JARID2: variants seen among roughly 807,000 people sequenced by gnomAD.
JARID2 encodes the protein protein Jumonji.
JARID2 carries 21 observed loss-of-function variants against 125.6 expected under a neutral mutation model. The observed-to-expected ratio is 0.17, with a 90% confidence interval of 0.12 to 0.24. The LOEUF (loss-of-function observed/expected upper bound fraction) is 0.24. JARID2 is among the 10% of genes least tolerant of loss of function. JARID2 has a pLI of 1.00. For synonymous variants in JARID2, 736 were observed against 661.6 expected, an observed-to-expected ratio of 1.11 and a Z score of -1.73; for missense variants, 1,303 against 1,639.6, an observed-to-expected ratio of 0.79 and a Z score of 3.55.
chr6:15,411,125 T>C (rs1765857656), intron 3 of JARID2, among the ~76,000 whole-genome samples: 1 of 152,212 alleles, frequency 6.6e-6, no homozygotes, highest in Non-Finnish European at 1.5e-5. Context: ...TATGTTTACC[T>C]GGAGGACCAG....
intron 9 of JARID2, chr6:15,505,413 C>T (rs934688026): frequency 5.3e-5 from 8 of 151,258 alleles, no homozygotes; most frequent in Non-Finnish European, 8.8e-5. Context: ...CGGTTTGCCC[C>T]GTGTATACAT....
chr6:15,274,129 C>T (rs1315814617), intron 1 of JARID2, among the ~76,000 whole-genome samples: 3 of 152,072 alleles, frequency 2.0e-5, no homozygotes, highest in Non-Finnish European at 2.9e-5. Context: ...GGGGTTTCAC[C>T]GTTTTGGCCA....
In JARID2 at chr6:15,291,732, G is replaced by GA. The variant is rs370882484; in HGVS notation, c.45+45151dup. ...CTCTAGAAGTAACACAGAAACCACA[G>GA]AAATGGAGAAAAGAAGTTAATCCCT... On this transcript the variant is annotated intron_variant, in intron 1 of 17. Transcript: ENST00000341776. 2.3e-3 allele frequency among the ~76,000 whole-genome samples: 353 copies of GA among 152,300 alleles called. 1 individual carries two copies. The highest frequency in any genetic ancestry group is 7.7e-3 in the African/African-American group (319 of 41,556).
At chr6:15,491,943 C>A (rs1770168930) in intron 6 of JARID2, among the ~76,000 whole-genome samples, 1 of 152,154 alleles carries the variant, frequency 6.6e-6, no homozygotes, top group African/African-American at 2.4e-5. Flanking sequence ...ACCTTATATC[C>A]CTTCTGCAAG....
intron 3 of JARID2, among the ~76,000 whole-genome samples, chr6:15,417,011 G>A (rs1766259983): frequency 6.6e-6 from 1 of 151,730 alleles, no homozygotes; most frequent in Non-Finnish European, 1.5e-5. Flanking sequence ...GGAATGAAAC[G>A]ATAATGTACA....
chr6:15,482,522 A>T (rs1279115984), intron 5 of JARID2, among the ~76,000 whole-genome samples: 1 of 152,266 alleles, frequency 6.6e-6, no homozygotes, highest in Non-Finnish European at 1.5e-5. Flanking sequence ...CCAAAAACTT[A>T]TTAAGAGTTA....
intron 3 of JARID2, among the ~76,000 whole-genome samples, chr6:15,437,416 A>G (rs1438264676): frequency 6.6e-6 from 1 of 152,128 alleles, no homozygotes; most frequent in Non-Finnish European, 1.5e-5. Context: ...CTCCTTATGC[A>G]CTGTCCTTTA....
intron 1 of JARID2, among the ~76,000 whole-genome samples, chr6:15,342,265 T>G (rs1033188115): frequency 6.6e-6 from 1 of 152,242 alleles, no homozygotes; most frequent in Non-Finnish European, 1.5e-5. Context: ...ACTTGGCCTC[T>G]GTGCGACTTA....
chr6:15,420,548 A>T (rs1766439338), intron 3 of JARID2, among the ~76,000 whole-genome samples: 1 of 152,162 alleles, frequency 6.6e-6, no homozygotes, highest in South Asian at 2.1e-4. Context: ...TCCATTATTT[A>T]CAAAACAGTT....
chr6:15,297,087 G>C (rs1016872384), intron 1 of JARID2, among the ~76,000 whole-genome samples: 46 of 152,336 alleles, frequency 3.0e-4, no homozygotes, highest in African/African-American at 1.1e-3. Flanking sequence ...GTGACAACCA[G>C]ATGTTTGTAG....
intron 1 of JARID2, among the ~76,000 whole-genome samples, chr6:15,287,919 C>T (rs1376590328): frequency 1.3e-5 from 2 of 152,138 alleles, no homozygotes; most frequent in African/African-American, 2.4e-5. Context: ...TGTTTCTGCC[C>T]CATTTACCGT....
chr6:15,348,369 C>T (rs541511777), intron 1 of JARID2, among the ~76,000 whole-genome samples: 66 of 152,110 alleles, frequency 4.3e-4, no homozygotes, highest in Non-Finnish European at 3.1e-4. Context: ...GGATTACAGG[C>T]GTGAGCCACG....
intron 3 of JARID2, among the ~76,000 whole-genome samples, chr6:15,442,512 T>G (rs7743283): frequency 0.031 from 4,723 of 152,300 alleles, 235 homozygotes; most frequent in African/African-American, 0.11. Flanking sequence ...TATCTGCTTT[T>G]TGCTTGAGAC....
chr6:15,485,115 T>C (rs1356010357), intron 5 of JARID2, among the ~76,000 whole-genome samples: 1 of 152,254 alleles, frequency 6.6e-6, no homozygotes, highest in East Asian at 1.9e-4. Flanking sequence ...CTCCATTTTC[T>C]GTGTTAACTG....
intron 2 of JARID2, among the ~76,000 whole-genome samples, chr6:15,404,635 T>A (rs1581512295): frequency 6.6e-6 from 1 of 152,038 alleles, no homozygotes; most frequent in East Asian, 1.9e-4. Context: ...TGTAATGTGA[T>A]AACCTTGTCT....
Position 15,417,010 on chromosome 6 carries a change from C to T in JARID2, c.323+6645C>T, listed in dbSNP as rs79909712. On this transcript the variant is annotated intron_variant, in intron 3 of 17. Coordinates refer to ENST00000341776, the MANE Select transcript of JARID2 (RefSeq NM_004973.4). ...AGGATTATTTGTTTGAGGAATGAAA[C>T]GATAATGTACAGTTAATTTGGTGAT... Among the ~76,000 whole-genome samples, 11 of 151,708 alleles carry T rather than the reference C, an allele frequency of 7.3e-5. 1 individual carries two copies. The East Asian group carries it at 2.1e-3, about 29-fold the overall frequency.
chr6:15,481,591 A>G (rs1769618607), intron 5 of JARID2, among the ~76,000 whole-genome samples: 1 of 152,132 alleles, frequency 6.6e-6, no homozygotes, highest in South Asian at 2.1e-4. Context: ...AGTACAAAAT[A>G]TACCTTGTCT....
chr6:15,290,642 A>T (rs969199965), intron 1 of JARID2, among the ~76,000 whole-genome samples: 1 of 152,050 alleles, frequency 6.6e-6, no homozygotes, highest in Admixed American at 6.5e-5. Flanking sequence ...CCCCCAAGAC[A>T]GTGCCTTGCG....
intron 5 of JARID2, among the ~76,000 whole-genome samples, chr6:15,483,526 T>C (rs1769723795): frequency 6.6e-6 from 1 of 152,224 alleles, no homozygotes; most frequent in African/African-American, 2.4e-5. Context: ...TATATTTTGT[T>C]GAGATAAAAT....
Sources: allele counts gnomAD v4.1 joint callset (sites outside exome capture counted in the v4.1 genomes callset), GRCh38; gene constraint gnomAD v4.1.1; transcripts MANE v1.5; gene names NCBI Gene and HGNC (gene_info 2026-07-23, HGNC 2026-07-21).